The following PDE10A variants were observed in gnomAD, a reference collection of about 807,000 sequenced individuals.
The protein encoded by PDE10A is phosphodiesterase 10A, also known as cAMP and cAMP-inhibited cGMP 3',5'-cyclic phosphodiesterase 10A.
A neutral mutation model predicts 97.7 loss-of-function variants in PDE10A; 39 were observed. The observed-to-expected ratio is 0.40, with a 90% CI of 0.31 to 0.52. PDE10A has a LOEUF of 0.52. Ranked by LOEUF, PDE10A falls within the 20% of genes least tolerant of loss-of-function variation. The pLI, the probability that PDE10A is intolerant of heterozygous loss-of-function variation, is 0.56. For synonymous variants in PDE10A, 371 were observed against 376.8 expected, an observed-to-expected ratio of 0.98 and a Z score of 0.18; for missense variants, 731 against 1,047.8, an observed-to-expected ratio of 0.70 and a Z score of 4.17.
intron 1 of PDE10A, among the ~76,000 whole-genome samples, chr6:165,605,516 G>A (rs555423228): frequency 3.5e-4 from 53 of 152,220 alleles, no homozygotes; most frequent in Non-Finnish European, 5.6e-4. Flanking sequence ...TCCAATCAGA[G>A]TTAAAATTAC....
chr6:165,959,760 C>A (rs1253125192), intron 1 of PDE10A, among the ~76,000 whole-genome samples: 1 of 152,086 alleles, frequency 6.6e-6, no homozygotes, highest in African/African-American at 2.4e-5. Flanking sequence ...CTCCCACTTT[C>A]CTGCTTCCCA....
At chr6:165,372,672 CA>C (rs1004453369) in intron 18 of PDE10A, among the ~76,000 whole-genome samples, 1 of 148,342 alleles carries the variant, frequency 6.7e-6, no homozygotes, top group African/African-American at 2.5e-5. Context: ...TTTATAGATT[CA>C]ATGCCATCCC....
chr6:165,949,468 A>G (rs557565412), intron 1 of PDE10A: 29 of 147,646 alleles, frequency 2.0e-4, no homozygotes, highest in African/African-American at 6.8e-4. Flanking sequence ...AAGTGCCACA[A>G]ACTGGTGCAA....
intron 10 of PDE10A, among the ~76,000 whole-genome samples, 185 bp downstream of exon 10, chr6:165,428,473 G>A (rs1789322134): frequency 6.6e-6 from 1 of 152,040 alleles, no homozygotes; most frequent in Non-Finnish European, 1.5e-5. Context: ...TTTTAAAAAT[G>A]TTATTCAAAC....
chr6:165,926,637 G>A (rs1468586833), intron 1 of PDE10A, among the ~76,000 whole-genome samples: 1 of 152,154 alleles, frequency 6.6e-6, no homozygotes, highest in Non-Finnish European at 1.5e-5. Flanking sequence ...CCAGCCACTG[G>A]CAATTAGAGC....
intron 1 of PDE10A, among the ~76,000 whole-genome samples, chr6:165,946,387 A>G (rs1213462501): frequency 6.6e-6 from 1 of 151,866 alleles, no homozygotes; most frequent in Non-Finnish European, 1.5e-5. Flanking sequence ...CCCAGCTACT[A>G]GGGAGGCTGA....
intron 5 of PDE10A, among the ~76,000 whole-genome samples, chr6:165,440,598 C>T (rs555923118): frequency 4.6e-5 from 7 of 152,144 alleles, no homozygotes; most frequent in African/African-American, 9.6e-5. Flanking sequence ...ACAGTCATTA[C>T]CCATAAGAGA....
intron 20 of PDE10A, among the ~76,000 whole-genome samples, chr6:165,336,831 G>C (rs992940489): frequency 6.7e-6 from 1 of 148,854 alleles, no homozygotes; most frequent in African/African-American, 2.5e-5. Context: ...TTCGCTAATA[G>C]ATCAGTCAGT....
chr6:165,658,551 G>C (rs950866189), intron 1 of PDE10A, among the ~76,000 whole-genome samples: 4 of 152,198 alleles, frequency 2.6e-5, no homozygotes, highest in Admixed American at 2.0e-4. Context: ...GCGTGCCTCA[G>C]AGTTCCTGAT....
At chr6:165,947,198 C>T (rs1442859440) in intron 1 of PDE10A, 1 of 152,180 alleles carries the variant, frequency 6.6e-6, no homozygotes, top group Non-Finnish European at 1.5e-5. Flanking sequence ...GTCTTTTCCT[C>T]TATCTCCCAT....
chr6:165,661,672 G>C lies in PDE10A; in HGVS notation c.865+275C>G. ...GAGAAGGAGGCGGCAGGTCCCGCTCGCAACGTCCAAGCTCCCGCCGCCCTC... is the reference window on the plus strand; with the variant it reads ...GAGAAGGAGGCGGCAGGTCCCGCTCCCAACGTCCAAGCTCCCGCCGCCCTC... On this transcript the variant is annotated intron_variant, in intron 1 of 21. Transcript: ENST00000539869. The surrounding 1 kb of genome is among the most constrained non-coding windows in gnomAD (Gnocchi z 4.8). 1 of 414,806 alleles carries C rather than the reference G, an allele frequency of 2.4e-6. No homozygotes were observed. 25.7% of individuals were successfully genotyped at this position (414,806 alleles called of 1,614,324 possible). A position where few individuals can be genotyped will look rare whatever the true frequency, so the allele number is the denominator to read the frequency against.
At chr6:165,551,524 C>T (rs1281890261) in intron 1 of PDE10A, among the ~76,000 whole-genome samples, 2 of 151,982 alleles carry the variant, frequency 1.3e-5, no homozygotes, top group Non-Finnish European at 2.9e-5. Context: ...AATTATAATC[C>T]CCAAAATATA....
intron 10 of PDE10A, among the ~76,000 whole-genome samples, chr6:165,426,850 C>T (rs1315032095): frequency 6.6e-6 from 1 of 152,088 alleles, no homozygotes; most frequent in East Asian, 1.9e-4. Flanking sequence ...AATATACATG[C>T]AGCCAATAAG....
intron 1 of PDE10A, among the ~76,000 whole-genome samples, chr6:165,633,857 A>C (rs1476065782): frequency 6.6e-6 from 1 of 151,456 alleles, no homozygotes; most frequent in African/African-American, 2.4e-5. Flanking sequence ...GCTGGTCTTG[A>C]GAATAATTTT....
At chr6:165,590,657 C>T (rs914374745) in intron 1 of PDE10A, among the ~76,000 whole-genome samples, 1 of 152,162 alleles carries the variant, frequency 6.6e-6, no homozygotes, top group East Asian at 1.9e-4. Flanking sequence ...TTTGCGAGGC[C>T]GAGGCGGGTG....
intron 1 of PDE10A, among the ~76,000 whole-genome samples, chr6:165,619,173 T>A (rs1464629039): frequency 6.7e-6 from 1 of 148,270 alleles, no homozygotes. Flanking sequence ...TGTAGTGTAG[T>A]CTAGTGTAGT....
chr6:165,550,953 A>G (rs945943062), intron 1 of PDE10A, among the ~76,000 whole-genome samples: 3 of 152,224 alleles, frequency 2.0e-5, no homozygotes, highest in Non-Finnish European at 4.4e-5. Flanking sequence ...TCAAAAGACA[A>G]TTCCAAAACA....
intron 1 of PDE10A, among the ~76,000 whole-genome samples, chr6:165,632,832 C>T (rs948274497): frequency 3.3e-5 from 5 of 152,096 alleles, no homozygotes; most frequent in African/African-American, 1.2e-4. Flanking sequence ...AGGACATTTC[C>T]TACTGACATC....
chr6:165,332,511 G>A lies in PDE10A; in HGVS notation c.*514C>T, dbSNP rs1298664785. On this transcript the variant is annotated 3_prime_UTR_variant, in exon 22 of 22. Transcript: ENST00000539869. ...CAACGACATTTGTCCTGAGGCTGTG[G>A]ACTACAACTCAAGTTAATTACAAGT... The A allele has an allele frequency of 6.6e-6, 1 of 152,270 alleles. No individual in the cohort carries two copies. The highest frequency in any genetic ancestry group is 1.5e-5 in the Non-Finnish European group (1 of 68,138). The allele number at this position is 152,270 out of a possible 1,614,324, so 9.4% of individuals were successfully genotyped here. A position where few individuals can be genotyped will look rare whatever the true frequency, so the allele number is the denominator to read the frequency against.
Sources: gnomAD v4.1 joint callset for allele counts (sites outside exome capture counted in the v4.1 genomes callset) on GRCh38, gnomAD v4.1.1 for gene constraint, Gnocchi (gnomAD v3.1) non-coding constraint, MANE v1.5 for transcripts, NCBI Gene and HGNC (gene_info 2026-07-23, HGNC 2026-07-21) for gene names.